The following CATSPERE variants were observed in gnomAD, a reference collection of about 807,000 sequenced individuals.
The protein encoded by CATSPERE is cation channel sperm-associated auxiliary subunit epsilon.
In CATSPERE, 93 loss-of-function variants were observed where a neutral mutation model predicts 114.1. That is an observed-to-expected ratio of 0.81 (90% CI 0.69 to 0.97). CATSPERE has a LOEUF of 0.97. CATSPERE is among the 50% of genes least tolerant of loss of function. The pLI is 0.00. For synonymous variants in CATSPERE, 341 were observed against 384.1 expected, an observed-to-expected ratio of 0.89 and a Z score of 1.31; for missense variants, 1,058 against 1,131.6, an observed-to-expected ratio of 0.93 and a Z score of 0.93.
intron 14 of CATSPERE, among the ~76,000 whole-genome samples, chr1:244,590,712 G>T (rs368945555): frequency 1.3e-5 from 2 of 152,152 alleles, no homozygotes; most frequent in East Asian, 3.8e-4. Context: ...GACCTTTTGT[G>T]TCCAGCTGCA....
chr1:244,528,366 A>G (rs1339097717), intron 8 of CATSPERE, among the ~76,000 whole-genome samples: 1 of 152,236 alleles, frequency 6.6e-6, no homozygotes, highest in African/African-American at 2.4e-5. Flanking sequence ...GAATCTCACA[A>G]GCATAATATG....
chr1:244,487,656 C>T (rs955485194), intron 5 of CATSPERE, among the ~76,000 whole-genome samples: 3 of 152,118 alleles, frequency 2.0e-5, no homozygotes, highest in Admixed American at 2.0e-4. Flanking sequence ...TGAGCCTAGG[C>T]CCTCACCCAG....
intron 19 of CATSPERE, among the ~76,000 whole-genome samples, chr1:244,612,397 A>G (rs2148696013): frequency 7.4e-6 from 1 of 134,684 alleles, no homozygotes. Context: ...AACGACACCT[A>G]CATTTTAAAA....
At chr1:244,594,563 A>G (rs979689052) in intron 17 of CATSPERE, among the ~76,000 whole-genome samples, 1 of 152,228 alleles carries the variant, frequency 6.6e-6, no homozygotes, top group African/African-American at 2.4e-5. Context: ...ATATCCATTC[A>G]TGTACATGTT....
intron 8 of CATSPERE, among the ~76,000 whole-genome samples, chr1:244,523,639 T>C (rs1480953294): frequency 7.2e-6 from 1 of 139,220 alleles, no homozygotes; most frequent in African/African-American, 3.0e-5. Context: ...TTCAGCAAAG[T>C]CTCAGGATAC....
intron 21 of CATSPERE, among the ~76,000 whole-genome samples, chr1:244,639,292 T>G (rs1675032493): frequency 6.6e-6 from 1 of 152,174 alleles, no homozygotes. Context: ...TCTAGCTAAC[T>G]CCTACTCCCA....
At position 244,517,115 on chromosome 1, in the gene CATSPERE, C is replaced by G. The variant is rs1446307881; in HGVS notation, c.430-1477C>G. On this transcript the variant is annotated intron_variant, in intron 7 of 21. Coordinates refer to ENST00000366534, the MANE Select transcript of CATSPERE (RefSeq NM_001130957.2). ...GTACTTGGTAAATCTGAAGAAAACA[C>G]TAATGTGGTTTTTGCCTTTTTGATA... Among the ~76,000 whole-genome samples, 6 of 151,914 alleles carry G rather than the reference C, an allele frequency of 3.9e-5. No individual in the cohort carries two copies. In the East Asian group the frequency reaches 1.2e-3, roughly 29 times the overall value.
chr1:244,515,454 G>T (rs745365477), intron 7 of CATSPERE: 9 of 286,840 alleles, frequency 3.1e-5, no homozygotes, highest in Non-Finnish European at 4.7e-5. Flanking sequence ...TGGAAGTCAC[G>T]ATTAATAATC....
At chr1:244,546,660 A>G (rs1312693395) in intron 8 of CATSPERE, among the ~76,000 whole-genome samples, 1 of 152,252 alleles carries the variant, frequency 6.6e-6, no homozygotes, top group Non-Finnish European at 1.5e-5. Flanking sequence ...TTAATCAAAC[A>G]AAAATGCAAG....
intron 8 of CATSPERE, among the ~76,000 whole-genome samples, chr1:244,534,880 C>G (rs566214213): frequency 1.1e-3 from 174 of 152,304 alleles, no homozygotes; most frequent in African/African-American, 4.0e-3. Context: ...GTCGACTTCA[C>G]AGTCTGAGGT....
Position 244,553,420 on chromosome 1 carries a change from G to A in CATSPERE, c.1029+606G>A, listed in dbSNP as rs151222547. On this transcript the variant is annotated intron_variant, in intron 9 of 21. Coordinates refer to ENST00000366534, the MANE Select transcript of CATSPERE (RefSeq NM_001130957.2). ...AAAAATTAGCTGGGCGCAGTGGTGG[G>A]TGCCTGTAGGTGGGTGCCTACAGTG... Among the ~76,000 whole-genome samples, 1,160 of 151,392 alleles carry A rather than the reference G, an allele frequency of 7.7e-3. 9 individuals are homozygous for A. The highest frequency in any genetic ancestry group is 0.014 in the Middle Eastern group (4 of 294).
intron 20 of CATSPERE, 50 bp from the exon 21 acceptor site, chr1:244,635,439 A>T (rs1328556354): frequency 7.2e-7 from 1 of 1,379,936 alleles, no homozygotes; most frequent in Non-Finnish European, 1.0e-6. Flanking sequence ...GAGCGTTTTA[A>T]AATATATTGT....
intron 8 of CATSPERE, among the ~76,000 whole-genome samples, chr1:244,534,405 C>T (rs113333329): frequency 0.027 from 4,078 of 152,150 alleles, 194 homozygotes; most frequent in African/African-American, 0.093. Context: ...CTTAGATTTG[C>T]CCCGTTGAGG....
chr1:244,526,650 CTTTT>C (rs1330027997), intron 8 of CATSPERE, among the ~76,000 whole-genome samples: 3 of 134,400 alleles, frequency 2.2e-5, no homozygotes, highest in Non-Finnish European at 1.6e-5. Flanking sequence ...TAGTCTTTTT[CTTTT>C]TTTTTTTTTT....
intron 2 of CATSPERE, among the ~76,000 whole-genome samples, chr1:244,468,951 G>A (rs967066481): frequency 6.6e-6 from 1 of 152,122 alleles, no homozygotes; most frequent in Non-Finnish European, 1.5e-5. Flanking sequence ...TGAATGTACA[G>A]AATACCAGAG....
At chr1:244,521,720 C>G (rs1034632425) in intron 8 of CATSPERE, among the ~76,000 whole-genome samples, 1 of 152,030 alleles carries the variant, frequency 6.6e-6, no homozygotes, top group Non-Finnish European at 1.5e-5. Context: ...TGAAGGATTT[C>G]TACAACAATT....
chr1:244,595,103 G>A (rs1668215771), intron 17 of CATSPERE, among the ~76,000 whole-genome samples: 1 of 152,168 alleles, frequency 6.6e-6, no homozygotes, highest in Admixed American at 6.5e-5. Context: ...TCTCAGAGAA[G>A]TGCACTCTTC....
intron 17 of CATSPERE, 33 bp from the exon 18 acceptor site, chr1:244,605,662 A>C (rs1416540125): frequency 7.0e-7 from 1 of 1,435,544 alleles, no homozygotes. Flanking sequence ...TTTTATATTA[A>C]ACTAGTATCT....
intron 5 of CATSPERE, among the ~76,000 whole-genome samples, chr1:244,483,168 A>G (rs1456252335): frequency 6.6e-6 from 1 of 152,238 alleles, no homozygotes; most frequent in Non-Finnish European, 1.5e-5. Context: ...GAGGATCAGC[A>G]GCACTGACAT....
Sources: gnomAD v4.1 joint callset for allele counts (sites outside exome capture counted in the v4.1 genomes callset) on GRCh38, gnomAD v4.1.1 for gene constraint, MANE v1.5 for transcripts, NCBI Gene and HGNC (gene_info 2026-07-23, HGNC 2026-07-21) for gene names.